The following FARS2 variants were observed in gnomAD, a reference collection of about 807,000 sequenced individuals.
FARS2 encodes phenylalanyl-tRNA synthetase 2, mitochondrial.
A neutral mutation model predicts 46.4 loss-of-function variants in FARS2; 40 were observed. The observed-to-expected ratio is 0.86, with a 90% CI of 0.67 to 1.12. FARS2 has a LOEUF of 1.12. Among genes scored for constraint, FARS2 ranks in the 50% most tolerant of loss-of-function variants. FARS2 has a pLI of 0.00. For missense variants in FARS2, 513 were observed against 567.9 expected (o/e 0.90, Z 0.98); for synonymous variants, 234 against 214.9 (o/e 1.09, Z -0.78).
At chr6:5,384,215 G>A (rs1246743599) in intron 2 of FARS2, among the ~76,000 whole-genome samples, 1 of 152,186 alleles carries the variant, frequency 6.6e-6, no homozygotes, top group African/African-American at 2.4e-5. Context: ...GTAGAGGCCA[G>A]AGCTTGGCAG....
At position 5,452,928 on chromosome 6, in the gene FARS2, G is replaced by A. The variant is rs545234741; in HGVS notation, c.904+21756G>A. ...GTGGAAAGGTTGAAGACAGGCACCT[G>A]AAGCCCACCTAATCATATCACTAGA... On this transcript the variant is annotated intron_variant, in intron 4 of 6. Transcript: ENST00000274680. Among the ~76,000 whole-genome samples, 3 of 152,252 alleles carry A rather than the reference G, an allele frequency of 2.0e-5. No individual in the cohort carries two copies. In the South Asian group the frequency reaches 6.2e-4, roughly 32 times the overall value.
At chr6:5,295,054 G>A (rs1437005817) in intron 1 of FARS2, among the ~76,000 whole-genome samples, 1 of 152,172 alleles carries the variant, frequency 6.6e-6, no homozygotes, top group Admixed American at 6.5e-5. Context: ...TATGAGCCAG[G>A]AACTGTGGGC....
chr6:5,663,943 G>A (rs1444823200), intron 6 of FARS2, among the ~76,000 whole-genome samples: 2 of 152,146 alleles, frequency 1.3e-5, no homozygotes, highest in African/African-American at 2.4e-5. Flanking sequence ...GCTGGCCAGG[G>A]CCATGGACTG....
At chr6:5,338,081 T>G (rs9392673) in intron 1 of FARS2, among the ~76,000 whole-genome samples, 149,007 of 152,308 alleles carry the variant, frequency 0.98, 72,906 homozygotes, top group East Asian at 1. Flanking sequence ...GAAACTTGGT[T>G]ATATTGAGAA....
intron 6 of FARS2, among the ~76,000 whole-genome samples, chr6:5,671,475 G>A (rs1249986044): frequency 6.6e-6 from 1 of 152,222 alleles, no homozygotes; most frequent in Admixed American, 6.5e-5. Flanking sequence ...ACTTCCTGGT[G>A]TTACAGAAAG....
chr6:5,345,469 G>A (rs1757170769), intron 1 of FARS2, among the ~76,000 whole-genome samples: 1 of 152,222 alleles, frequency 6.6e-6, no homozygotes, highest in Non-Finnish European at 1.5e-5. Flanking sequence ...TAAATTAAGA[G>A]CAGCATCTTG....
intron 1 of FARS2, among the ~76,000 whole-genome samples, chr6:5,277,387 C>A (rs985897688): frequency 6.6e-6 from 1 of 152,108 alleles, no homozygotes; most frequent in African/African-American, 2.4e-5. Flanking sequence ...TTTTCAGTTA[C>A]ATTTTTGAGG....
At chr6:5,294,956 C>G (rs1204573830) in intron 1 of FARS2, among the ~76,000 whole-genome samples, 1 of 152,128 alleles carries the variant, frequency 6.6e-6, no homozygotes, top group Non-Finnish European at 1.5e-5. Flanking sequence ...AACATACAGT[C>G]AAAGGAGGGC....
intron 2 of FARS2, chr6:5,371,226 A>C (rs913499569): frequency 1.0e-6 from 1 of 974,040 alleles, no homozygotes; most frequent in Non-Finnish European, 1.2e-6. Context: ...CCTAACCTCA[A>C]CTAAAGTGTT....
chr6:5,305,394 A>G (rs1023432003), intron 1 of FARS2, among the ~76,000 whole-genome samples: 1 of 152,190 alleles, frequency 6.6e-6, no homozygotes, highest in African/African-American at 2.4e-5. Context: ...TCATAGTCCC[A>G]GGCATTTTAT....
chr6:5,494,740 G>A (rs1767346639), intron 4 of FARS2, among the ~76,000 whole-genome samples: 1 of 152,036 alleles, frequency 6.6e-6, no homozygotes, highest in Admixed American at 6.5e-5. Context: ...AAGTTCACAT[G>A]TTTGAGGAAC....
intron 6 of FARS2, among the ~76,000 whole-genome samples, chr6:5,732,891 G>A (rs1274911235): frequency 6.6e-6 from 1 of 151,492 alleles, no homozygotes; most frequent in African/African-American, 2.4e-5. Flanking sequence ...TTCCACAGTT[G>A]CTGAATTCTT....
At chr6:5,608,547 A>C (rs1031311567) in intron 5 of FARS2, among the ~76,000 whole-genome samples, 2 of 152,206 alleles carry the variant, frequency 1.3e-5, no homozygotes, top group Admixed American at 6.5e-5. Context: ...TATTGATTAC[A>C]CATGATAATG....
At chr6:5,700,544 C>G (rs577112095) in intron 6 of FARS2, among the ~76,000 whole-genome samples, 1 of 152,054 alleles carries the variant, frequency 6.6e-6, no homozygotes, top group Non-Finnish European at 1.5e-5. Context: ...AATACAGGTG[C>G]GCACCACCAT....
intron 6 of FARS2, chr6:5,667,905 C>T (rs546935932): frequency 6.6e-6 from 1 of 152,362 alleles, no homozygotes; most frequent in South Asian, 2.1e-4. Flanking sequence ...GTGATCGACT[C>T]TTAGAGCAAG....
chr6:5,292,766 G>T (rs975042613), intron 1 of FARS2, among the ~76,000 whole-genome samples: 1 of 152,140 alleles, frequency 6.6e-6, no homozygotes, highest in African/African-American at 2.4e-5. Flanking sequence ...GTGTATAATT[G>T]GCAATTCAAG....
chr6:5,701,270 G>A (rs747861866), intron 6 of FARS2, among the ~76,000 whole-genome samples: 1 of 152,232 alleles, frequency 6.6e-6, no homozygotes, highest in South Asian at 2.1e-4. Flanking sequence ...CTCTGCAAAG[G>A]CTGTTGGTCA....
At chr6:5,593,601 C>G (rs766030960) in intron 5 of FARS2, among the ~76,000 whole-genome samples, 26 of 152,208 alleles carry the variant, frequency 1.7e-4, no homozygotes, top group Non-Finnish European at 1.0e-4. Flanking sequence ...TTCACACTTT[C>G]CGTGGGAACA....
intron 4 of FARS2, among the ~76,000 whole-genome samples, chr6:5,456,496 G>A (rs907319439): frequency 2.0e-5 from 3 of 151,296 alleles, no homozygotes; most frequent in African/African-American, 7.3e-5. Context: ...CACTTTGGGA[G>A]GCCGAGGCAG....
Sources: gnomAD v4.1 joint callset for allele counts (sites outside exome capture counted in the v4.1 genomes callset) on GRCh38, gnomAD v4.1.1 for gene constraint, MANE v1.5 for transcripts, NCBI Gene and HGNC (gene_info 2026-07-23, HGNC 2026-07-21) for gene names.